The following SLC26A11 variants were observed in gnomAD, a reference collection of about 807,000 sequenced individuals.
SLC26A11 encodes solute carrier family 26 member 11.
Under a neutral mutation model 62.2 loss-of-function variants are expected in SLC26A11, and 58 were observed. The ratio of observed to expected loss-of-function variants is 0.93; its 90% CI spans 0.76 to 1.16. The LOEUF (loss-of-function observed/expected upper bound fraction) is 1.16. Ranked by LOEUF, SLC26A11 falls within the 50% of genes most tolerant of loss-of-function variation. The pLI is 0.00. For synonymous variants in SLC26A11, 411 were observed against 368.9 expected (o/e 1.11, Z -1.31); for missense variants, 790 against 794.3 (o/e 0.99, Z 0.06).
rs1248727285 is a variant in SLC26A11 at position 80,246,534 on chromosome 17, C to T, written c.1179C>T (p.Asp393=). Residue 393 remains aspartate, a synonymous_variant, in exon 13 of 18, where the codon GAC becomes GAT. Coordinates refer to ENST00000361193, the MANE Select transcript of SLC26A11 (RefSeq NM_001166347.2). The surrounding 1 kb of genome is among the most constrained non-coding windows in gnomAD (Gnocchi z 4.4). The part of the protein sequence containing the change: ...VTGVLVLLSL[D]YLTSLFYYIP... ...GAGTGCTGGTGCTGCTGTCTCTGGA[C>T]TACCTGACCTCACTGTTCTACTACA... 5 of 1,612,990 alleles carry T rather than the reference C, an allele frequency of 3.1e-6. No individual in the cohort carries two copies. The Admixed American group carries it at 6.7e-5, about 21-fold the overall frequency.
rs57752988 is a variant in SLC26A11 at position 80,222,039 on chromosome 17, A to G, written c.234+245A>G. The G allele has an allele frequency of 2.9e-3, 1,434 of 486,394 alleles. 21 individuals carry two copies. The highest frequency in any genetic ancestry group is 0.026 in the African/African-American group (1,322 of 50,162). 30.1% of individuals were successfully genotyped at this position (486,394 alleles called of 1,614,324 possible). A position where few individuals can be genotyped will look rare whatever the true frequency, so the allele number is the denominator to read the frequency against. On this transcript the variant is annotated intron_variant, in intron 3 of 17. Transcript: ENST00000361193. This position sits in a 1 kb window ranked among gnomAD's most constrained non-coding sequence, Gnocchi z 4.7. ...TGACTCATGGAGGCCTCAGGAGTTC[A>G]AGACCAGCCCGACCAAAATGGTGAA...
chr17:80,229,212 C>T (rs2042495732), intron 7 of SLC26A11, among the ~76,000 whole-genome samples: 1 of 151,642 alleles, frequency 6.6e-6, no homozygotes, highest in Non-Finnish European at 1.5e-5. Context: ...GGTCTGTTCT[C>T]TGTGGTCTCT....
rs1598851943 is a variant in SLC26A11, at chr17:80,252,096, G to A, written c.1730-529G>A. ...GGCGCTGACCCTTGAGACAGCAATC[G>A]CAGGAGGTCTGAGCCGCAGCAGGTG... On this transcript the variant is annotated intron_variant, in intron 17 of 17. Transcript: ENST00000361193. This position sits in a 1 kb window ranked among gnomAD's most constrained non-coding sequence, Gnocchi z 5.2. 1.3e-5 allele frequency among the ~76,000 whole-genome samples: 2 copies of A among 152,106 alleles called. No homozygotes were observed. Among genetic ancestry groups the A allele is most frequent in the East Asian group, 1.9e-4 (1 of 5,190 alleles).
rs371030794 is a variant in SLC26A11 at position 80,251,934 on chromosome 17, C to T, written c.1729+533C>T. On this transcript the variant is annotated intron_variant, in intron 17 of 17. Coordinates refer to ENST00000361193, the MANE Select transcript of SLC26A11 (RefSeq NM_001166347.2). Reference sequence around the variant, plus strand: ...TTCATACCTGGTGCTCTGGAACCCACATTTTTCATGCAGAAGGTTGGAAGG... The same window carrying T: ...TTCATACCTGGTGCTCTGGAACCCATATTTTTCATGCAGAAGGTTGGAAGG... 2.3e-4 allele frequency among the ~76,000 whole-genome samples: 35 copies of T among 152,260 alleles called. 1 individual carries two copies. Among genetic ancestry groups the T allele is most frequent in the African/African-American group, 8.2e-4 (34 of 41,562 alleles).
intron 7 of SLC26A11, among the ~76,000 whole-genome samples, chr17:80,233,138 A>G (rs2042603460): frequency 6.6e-6 from 1 of 151,640 alleles, no homozygotes; most frequent in Admixed American, 6.6e-5. Context: ...AATCCCAGCT[A>G]CTGGGGAGGC....
Position 80,223,277 on chromosome 17 carries a change from C to G in SLC26A11, c.453C>G (p.Tyr151Ter), listed in dbSNP as rs1186278633. Reference sequence around the variant, plus strand: ...GGTTCCTGCTGGACTTCATTTCCTACCCCGTCATTAAAGGCTTCACCTCTG... The same window carrying G: ...GGTTCCTGCTGGACTTCATTTCCTAGCCCGTCATTAAAGGCTTCACCTCTG... ...RLGFLLDFIS[Y>*]PVIKGFTSAA... is the part of the protein sequence containing the mutation. The change falls in exon 5 of 18, where the codon TAC becomes TAG. Residue 151 changes from tyrosine to a stop codon, truncating the protein, a stop_gained. Transcript: ENST00000361193. LOFTEE classifies it high-confidence loss of function. The surrounding 1 kb of genome is among the most constrained non-coding windows in gnomAD (Gnocchi z 4.6). The G allele has an allele frequency of 2.5e-6, 4 of 1,614,042 alleles. No individual in the cohort carries two copies. The highest frequency in any genetic ancestry group is 3.3e-5 in the Admixed American group (2 of 60,006).
At chr17:80,225,411 C>G (rs2144881679) in intron 5 of SLC26A11, among the ~76,000 whole-genome samples, 1 of 152,274 alleles carries the variant, frequency 6.6e-6, no homozygotes, top group South Asian at 2.1e-4. Context: ...GTGAGGGAGA[C>G]ATTCTCAAGC....
chr17:80,226,498 C>T (rs993695538), intron 6 of SLC26A11, among the ~76,000 whole-genome samples: 1 of 152,182 alleles, frequency 6.6e-6, no homozygotes, highest in Non-Finnish European at 1.5e-5. Flanking sequence ...GTCAGGAGTT[C>T]AAGACCAGCC....
rs562132181 is a variant in SLC26A11 at position 80,246,377 on chromosome 17, C to T, written c.1154-132C>T. The T allele has an allele frequency of 2.0e-5, 28 of 1,430,460 alleles. No homozygotes were observed. The East Asian group carries it at 6.6e-4, about 34-fold the overall frequency. 88.6% of individuals were successfully genotyped at this position (1,430,460 alleles called of 1,614,324 possible). ...GGGACCACAGGAGACTGAGCAGGGG[C>T]TGGGGGCCTTGGCAGTCGTCGCCCT... On this transcript the variant is annotated intron_variant, in intron 12 of 17. Transcript: ENST00000361193. The surrounding 1 kb of genome is among the most constrained non-coding windows in gnomAD (Gnocchi z 4.4).
chr17:80,251,580 T>C (rs1292087501), intron 17 of SLC26A11, among the ~76,000 whole-genome samples, 179 bp downstream of exon 17: 2 of 152,072 alleles, frequency 1.3e-5, no homozygotes, highest in Non-Finnish European at 2.9e-5. Context: ...CTGGCCAACA[T>C]GGTAAAACCT....
Position 80,227,800 on chromosome 17 carries a change from T to C in SLC26A11, c.594-18T>C, listed in dbSNP as rs1038506958. Reference sequence around the variant, plus strand: ...CTGGGCCGAGCTGGGTGGTGACCAGTCCTCTGCCTGTCCACAGGGTAGGTG... The same window carrying C: ...CTGGGCCGAGCTGGGTGGTGACCAGCCCTCTGCCTGTCCACAGGGTAGGTG... On this transcript the variant is annotated intron_variant, in intron 6 of 17. Coordinates refer to ENST00000361193, the MANE Select transcript of SLC26A11 (RefSeq NM_001166347.2). The C allele has an allele frequency of 6.2e-7, 1 of 1,603,148 alleles. No homozygotes were observed. The highest frequency in any genetic ancestry group is 8.5e-7 in the Non-Finnish European group (1 of 1,179,666).
chr17:80,234,169 T>C (rs1238898641), intron 7 of SLC26A11, among the ~76,000 whole-genome samples: 1 of 152,126 alleles, frequency 6.6e-6, no homozygotes, highest in Non-Finnish European at 1.5e-5. Flanking sequence ...CACGCCCGGC[T>C]AATTTTTGTA....
chr17:80,245,127 TC>T, intron 10 of SLC26A11, 68 bp from the exon 11 acceptor site: 1 of 1,473,874 alleles, frequency 6.8e-7, no homozygotes, highest in South Asian at 1.1e-5. Context: ...TTTGTCCCCC[TC>T]CCCATCTCCT....
In SLC26A11 at chr17:80,246,378, TG is replaced by T; in HGVS notation, c.1154-126del. The T allele has an allele frequency of 1.4e-6, 2 of 1,434,928 alleles. No homozygotes were observed. Among genetic ancestry groups the T allele is most frequent in the Non-Finnish European group, 1.9e-6 (2 of 1,063,446 alleles). 88.9% of individuals were successfully genotyped at this position (1,434,928 alleles called of 1,614,324 possible). On this transcript the variant is annotated intron_variant, in intron 12 of 17. Coordinates refer to ENST00000361193, the MANE Select transcript of SLC26A11 (RefSeq NM_001166347.2). This position sits in a 1 kb window ranked among gnomAD's most constrained non-coding sequence, Gnocchi z 4.4. ...GGACCACAGGAGACTGAGCAGGGGCTGGGGGCCTTGGCAGTCGTCGCCCTAC... is the reference window on the plus strand; with the variant it reads ...GGACCACAGGAGACTGAGCAGGGGCTGGGGCCTTGGCAGTCGTCGCCCTAC...
At chr17:80,224,861 G>A (rs921175487) in intron 5 of SLC26A11, among the ~76,000 whole-genome samples, 3 of 151,892 alleles carry the variant, frequency 2.0e-5, no homozygotes, top group Non-Finnish European at 4.4e-5. Context: ...TGGGGGGAGG[G>A]GCGTCCTCCT....
At chr17:80,240,263 A>C (rs921324730) in intron 9 of SLC26A11, among the ~76,000 whole-genome samples, 4 of 152,056 alleles carry the variant, frequency 2.6e-5, no homozygotes, top group African/African-American at 9.7e-5. Context: ...GCTCCTCGGG[A>C]GGCTGAGGCA....
At chr17:80,237,495 A>G (rs1469120738) in intron 8 of SLC26A11, 27 bp from the exon 9 acceptor site, 1 of 1,594,766 alleles carries the variant, frequency 6.3e-7, no homozygotes, top group Non-Finnish European at 8.5e-7. Flanking sequence ...TAGGAAGGTC[A>G]CTCACCATCC....
rs1439470117 is a variant in SLC26A11 at position 80,228,423 on chromosome 17, G to A, written c.736+463G>A. Among the ~76,000 whole-genome samples, 1 of 152,150 alleles carries A rather than the reference G, an allele frequency of 6.6e-6. No homozygotes were observed. The highest frequency in any genetic ancestry group is 2.1e-4 in the South Asian group (1 of 4,822). On this transcript the variant is annotated intron_variant, in intron 7 of 17. Transcript: ENST00000361193. This position sits in a 1 kb window ranked among gnomAD's most constrained non-coding sequence, Gnocchi z 4.1. ...GCTGGGATTACAGGCATGAGCCACC[G>A]CCCCGACCCAAACTCTAGAACATTT...
rs1598782160 is a variant in SLC26A11, at chr17:80,222,065, A to C, written c.234+271A>C. ...AGACCAGCCCGACCAAAATGGTGAA[A>C]CCCCGTCTCCACTAAAAATACAAAA... On this transcript the variant is annotated intron_variant, in intron 3 of 17. Transcript: ENST00000361193. This position sits in a 1 kb window ranked among gnomAD's most constrained non-coding sequence, Gnocchi z 4.7. 2.3e-6 allele frequency: 1 copy of C among 429,658 alleles called. No homozygotes were observed. The highest frequency in any genetic ancestry group is 4.1e-6 in the Non-Finnish European group (1 of 244,292). The allele number at this position is 429,658 out of a possible 1,614,324, so 26.6% of individuals were successfully genotyped here. A position where few individuals can be genotyped will look rare whatever the true frequency, so the allele number is the denominator to read the frequency against.
Sources: gnomAD v4.1 joint callset for allele counts (sites outside exome capture counted in the v4.1 genomes callset) on GRCh38, gnomAD v4.1.1 for gene constraint, Gnocchi (gnomAD v3.1) non-coding constraint, MANE v1.5 for transcripts, NCBI Gene and HGNC (gene_info 2026-07-23, HGNC 2026-07-21) for gene names.